MYO9B: variants seen among roughly 807,000 people sequenced by gnomAD.
MYO9B encodes the protein unconventional myosin-IXb.
In MYO9B, 71 loss-of-function variants were observed where a neutral mutation model predicts 229.5. That is an observed-to-expected ratio of 0.31 (90% CI 0.26 to 0.38). The LOEUF (loss-of-function observed/expected upper bound fraction) is 0.38. MYO9B is among the 10% of genes least tolerant of loss of function. MYO9B has a pLI of 1.00. For missense variants in MYO9B, 2,255 were observed against 2,920.5 expected (o/e 0.77, Z 5.25); for synonymous variants, 1,185 against 1,235.8 (o/e 0.96, Z 0.86).
chr19:17,164,097 T>C (rs569722673), intron 10 of MYO9B, among the ~76,000 whole-genome samples: 51 of 152,264 alleles, frequency 3.3e-4, no homozygotes, highest in South Asian at 2.5e-3. Context: ...TAAGGAAATA[T>C]CATGTTGTTG....
chr19:17,196,151 T>G (rs898686369), intron 22 of MYO9B, among the ~76,000 whole-genome samples: 291 of 12,628 alleles, frequency 0.023, 1 homozygote, highest in African/African-American at 0.062. Flanking sequence ...TGTGGGTGGG[T>G]GGGTGGGTGG....
chr19:17,107,636 T>C (rs2057805113), intron 2 of MYO9B, among the ~76,000 whole-genome samples: 1 of 152,202 alleles, frequency 6.6e-6, no homozygotes, highest in Non-Finnish European at 1.5e-5. Flanking sequence ...GGGAGGATGC[T>C]TCAGGCCTCT....
rs567415527 is a variant in MYO9B, at chr19:17,200,445, C to T, written c.4372+19C>T. 45 of 1,555,008 alleles carry T rather than the reference C, an allele frequency of 2.9e-5. No homozygotes were observed. The South Asian group carries it at 4.7e-4, about 16-fold the overall frequency. On this transcript the variant is annotated intron_variant, in intron 25 of 39. Transcript: ENST00000682292. ...CTGGAAGGTTGGTAGCCTGCAGCCT[C>T]AGGGACAGACAGTAGAGCCACCAGT... is the stretch of plus-strand genomic sequence containing the variant.
Position 17,102,440 on chromosome 19 carries a change from C to T in MYO9B, c.723C>T (p.Ser241=), listed in dbSNP as rs201682351. 1.3e-3 allele frequency: 2,088 copies of T among 1,613,820 alleles called. 1 individual carries two copies. The highest frequency in any genetic ancestry group is 1.7e-3 in the Non-Finnish European group (1,966 of 1,179,908). Residue 241 remains serine (S), a synonymous_variant, in exon 2 of 40, where the codon AGC becomes AGT. Coordinates refer to ENST00000682292, the MANE Select transcript of MYO9B (RefSeq NM_004145.4). ...AGTGCATCGTGATCTCGGGTGAGAG[C>T]GGCTCCGGCAAGACCCAGAGCACCA... ...VNQCIVISGE[S]GSGKTQSTNF... is the part of the protein sequence containing the mutation.
intron 9 of MYO9B, 85 bp from the exon 10 acceptor site, chr19:17,162,899 TCACA>T: frequency 7.0e-7 from 1 of 1,432,318 alleles, no homozygotes; most frequent in East Asian, 2.5e-5. Flanking sequence ...ACCTAACAGG[TCACA>T]GCCTGTAGAG....
rs1263046029 is a variant in MYO9B at position 17,199,025 on chromosome 19, A to C, written c.4238+717A>C. Among the ~76,000 whole-genome samples, 4 of 152,056 alleles carry C rather than the reference A, an allele frequency of 2.6e-5. No individual in the cohort carries two copies. The East Asian group carries it at 7.7e-4, about 29-fold the overall frequency. On this transcript the variant is annotated intron_variant, in intron 24 of 39. Coordinates refer to ENST00000682292, the MANE Select transcript of MYO9B (RefSeq NM_004145.4). Reference sequence around the variant, plus strand: ...AGATCAGCCTGGGCAGCGTGGCAAAATCTTGTCTCTGCAAAAAAATTTCAA... The same window carrying C: ...AGATCAGCCTGGGCAGCGTGGCAAACTCTTGTCTCTGCAAAAAAATTTCAA...
chr19:17,205,849 G>T, intron 31 of MYO9B, 111 bp from the exon 32 acceptor site: 1 of 1,070,320 alleles, frequency 9.3e-7, no homozygotes, highest in Admixed American at 2.9e-5. Context: ...GGACAGAACA[G>T]CAGAGGAAGC....
At position 17,172,928 on chromosome 19, in the gene MYO9B, G is replaced by T. The variant is rs1330151393; in HGVS notation, c.2105G>T (p.Gly702Val). 1 of 1,599,110 alleles carries T rather than the reference G, an allele frequency of 6.3e-7. No individual in the cohort carries two copies. The highest frequency in any genetic ancestry group is 1.3e-5 in the African/African-American group (1 of 74,918). ...IRAMAVLREA[G>V]RLRAERAEKA... The stretch of plus-strand genomic sequence containing the variant: ...GCCATGGCAGTGCTTCGGGAGGCCG[G>T]ACGCCTGCGGGCCGAGAGGGCCGAA... Residue 702 changes from glycine to valine, a missense_variant, in exon 13 of 40, where the codon GGA (glycine) becomes GTA (valine). By Grantham distance (109) the Gly-to-Val change is moderately radical (BLOSUM62 -3). This residue lies in a region of MYO9B where 155 missense variants were observed against 159.1 expected (regional missense o/e 0.97). Coordinates refer to ENST00000682292, the MANE Select transcript of MYO9B (RefSeq NM_004145.4). The surrounding 1 kb of genome is among the most constrained non-coding windows in gnomAD (Gnocchi z 8.2).
intron 2 of MYO9B, among the ~76,000 whole-genome samples, chr19:17,140,541 T>G (rs2072325805): frequency 6.6e-6 from 1 of 151,504 alleles, no homozygotes; most frequent in Non-Finnish European, 1.5e-5. Context: ...CAGGCTGGAG[T>G]GCAATGGCAC....
intron 1 of MYO9B, among the ~76,000 whole-genome samples, chr19:17,091,445 A>G (rs906758160): frequency 1.3e-5 from 2 of 152,186 alleles, no homozygotes; most frequent in African/African-American, 4.8e-5. Flanking sequence ...AGTGGCTCAC[A>G]CCTGTAATCC....
intron 14 of MYO9B, among the ~76,000 whole-genome samples, chr19:17,178,922 T>C (rs1166916562): frequency 6.7e-6 from 1 of 149,072 alleles, no homozygotes; most frequent in East Asian, 2.0e-4. Flanking sequence ...TCCTAGCTAC[T>C]GGGGAGGCTG....
At position 17,206,387 on chromosome 19, in the gene MYO9B, TG is replaced by T; in HGVS notation, c.5386+13del. 1 of 1,608,034 alleles carries T rather than the reference TG, an allele frequency of 6.2e-7. No homozygotes were observed. The highest frequency in any genetic ancestry group is 8.5e-7 in the Non-Finnish European group (1 of 1,178,968). ...TCCTCCGAGCCGTCGGTGAGCCCCA[TG>T]GCGGTGCGGGTGGCAGCAGGTGGCC... On this transcript the variant is annotated intron_variant, in intron 33 of 39. Transcript: ENST00000682292.
chr19:17,118,445 A>T (rs544318336), intron 2 of MYO9B, among the ~76,000 whole-genome samples: 3 of 152,010 alleles, frequency 2.0e-5, no homozygotes, highest in Non-Finnish European at 4.4e-5. Flanking sequence ...TATATTTTTT[A>T]AAATTTTTTA....
At chr19:17,102,874 T>G (rs2057758722) in intron 2 of MYO9B, among the ~76,000 whole-genome samples, 1 of 149,506 alleles carries the variant, frequency 6.7e-6, no homozygotes, top group Admixed American at 6.7e-5. Flanking sequence ...GCCACTGCAC[T>G]CCAGCCTGGA....
chr19:17,094,156 C>T (rs2057666744), intron 1 of MYO9B, among the ~76,000 whole-genome samples: 1 of 152,084 alleles, frequency 6.6e-6, no homozygotes, highest in African/African-American at 2.4e-5. Flanking sequence ...CTGCCTCAGC[C>T]TCCCGAGTAG....
chr19:17,086,191 A>G (rs998441038), intron 1 of MYO9B, among the ~76,000 whole-genome samples: 2 of 152,122 alleles, frequency 1.3e-5, no homozygotes, highest in Admixed American at 6.5e-5. Flanking sequence ...CTTGCATGAA[A>G]ATCTAACCAC....
chr19:17,178,979 C>T (rs575414510), intron 14 of MYO9B, among the ~76,000 whole-genome samples: 3 of 147,242 alleles, frequency 2.0e-5, no homozygotes, highest in African/African-American at 5.0e-5. Flanking sequence ...TGCAGTGAGC[C>T]GAGATCACAC....
rs907371311 is a variant in MYO9B at position 17,137,393 on chromosome 19, C to G, written c.841-8004C>G. Among the ~76,000 whole-genome samples the G allele has an allele frequency of 2.6e-5, 4 of 152,204 alleles. No individual in the cohort carries two copies. The South Asian group carries it at 8.3e-4, about 32-fold the overall frequency. On this transcript the variant is annotated intron_variant, in intron 2 of 39. Coordinates refer to ENST00000682292, the MANE Select transcript of MYO9B (RefSeq NM_004145.4). The stretch of plus-strand genomic sequence containing the variant: ...TCTGGGCGACAGAGTGAGACCCTGT[C>G]TCCCTGTCTCAAACAACAACAACAA...
chr19:17,112,097 C>A (rs549953419), intron 2 of MYO9B, among the ~76,000 whole-genome samples: 1 of 152,288 alleles, frequency 6.6e-6, no homozygotes, highest in South Asian at 2.1e-4. Flanking sequence ...TTCCTGGACC[C>A]CTGCCCCAGC....
Sources: allele counts gnomAD v4.1 joint callset (sites outside exome capture counted in the v4.1 genomes callset), GRCh38; gene constraint gnomAD v4.1.1; regional missense constraint gnomAD v4.1.1; non-coding constraint Gnocchi (gnomAD v3.1); transcripts MANE v1.5; gene names NCBI Gene and HGNC (gene_info 2026-07-23, HGNC 2026-07-21).